Variants in ADGRL3 observed in about 807,000 individuals in gnomAD.
ADGRL3 encodes the protein calcium-independent alpha-latrotoxin receptor 3.
In ADGRL3, 62 loss-of-function variants were observed where a neutral mutation model predicts 153.5. The ratio of observed to expected loss-of-function variants is 0.40; its 90% confidence interval spans 0.33 to 0.50. The LOEUF (loss-of-function observed/expected upper bound fraction) is 0.50, where lower values mean the gene tolerates loss of function less well. ADGRL3 is among the 20% of genes least tolerant of loss of function. The pLI, the probability that ADGRL3 is intolerant of heterozygous loss-of-function variation, is 0.47. For missense variants in ADGRL3, 1,641 were observed against 1,859.4 expected (o/e 0.88, Z 2.16); for synonymous variants, 710 against 672.5 (o/e 1.06, Z -0.86).
rs1165228910 is a variant in ADGRL3, at chr4:61,432,630, CTTTCTTTCTTTCTTTCTTTCTTTCTTTT to C, written c.-174+49445_-174+49472del. The stretch of plus-strand genomic sequence containing the variant: ...TCTTTCTTTCTTTCTTTCTTTCTTT[CTTTCTTTCTTTCTTTCTTTCTTTCTTTT>C]TTTTTTTTTTTTGAGACAGAATTTC... On this transcript the variant is annotated intron_variant, in intron 2 of 26. Transcript: ENST00000683033. Among the ~76,000 whole-genome samples, 9 of 50,504 alleles carry C rather than the reference CTTTCTTTCTTTCTTTCTTTCTTTCTTTT, an allele frequency of 1.8e-4. 1 individual carries two copies. Among genetic ancestry groups the C allele is most frequent in the African/African-American group, 3.0e-4 (4 of 13,266 alleles). 33.1% of individuals were successfully genotyped at this position (50,504 alleles called of 152,430 possible). A position where few individuals can be genotyped will look rare whatever the true frequency, so the allele number is the denominator to read the frequency against.
intron 19 of ADGRL3, among the ~76,000 whole-genome samples, chr4:61,990,952 CTGTGTGTG>C (rs34294452): frequency 1.4e-3 from 199 of 142,366 alleles, no homozygotes; most frequent in South Asian, 3.9e-3. Flanking sequence ...ATGTTTGAAA[CTGTGTGTG>C]TGTGTGTGTG....
At chr4:61,260,321 A>G (rs2092402104) in intron 1 of ADGRL3, among the ~76,000 whole-genome samples, 1 of 152,158 alleles carries the variant, frequency 6.6e-6, no homozygotes, top group Non-Finnish European at 1.5e-5. Context: ...GACATGAAAA[A>G]CCAAGAATGT....
At chr4:61,309,796 T>C (rs1312107762) in intron 1 of ADGRL3, among the ~76,000 whole-genome samples, 1 of 152,074 alleles carries the variant, frequency 6.6e-6, no homozygotes, top group Non-Finnish European at 1.5e-5. Flanking sequence ...AAGCGAGCTG[T>C]TCTTGCAATA....
chr4:61,712,273 G>C (rs1156424271), intron 6 of ADGRL3, among the ~76,000 whole-genome samples: 1 of 152,022 alleles, frequency 6.6e-6, no homozygotes, highest in East Asian at 1.9e-4. Context: ...TATGCCTGTA[G>C]TTCCAGCTAC....
At chr4:61,800,480 C>T (rs543238184) in intron 8 of ADGRL3, among the ~76,000 whole-genome samples, 1 of 152,194 alleles carries the variant, frequency 6.6e-6, no homozygotes, top group East Asian at 1.9e-4. Context: ...TCTGTACCAT[C>T]TTCTTTTAGG....
chr4:61,637,595 C>T (rs1328033083), intron 5 of ADGRL3, among the ~76,000 whole-genome samples: 2 of 151,990 alleles, frequency 1.3e-5, no homozygotes, highest in African/African-American at 2.4e-5. Flanking sequence ...GAAACCTCGT[C>T]TATGCAAAAA....
At chr4:61,290,393 T>C (rs1226360521) in intron 1 of ADGRL3, among the ~76,000 whole-genome samples, 1 of 152,136 alleles carries the variant, frequency 6.6e-6, no homozygotes, top group East Asian at 1.9e-4. Context: ...CATTACAAAC[T>C]TAATGTAGTG....
chr4:62,014,284 C>T (rs2099201246), intron 21 of ADGRL3, among the ~76,000 whole-genome samples: 1 of 152,016 alleles, frequency 6.6e-6, no homozygotes, highest in Non-Finnish European at 1.5e-5. Flanking sequence ...AAAGTGCTGC[C>T]AGTGGGCAAC....
intron 1 of ADGRL3, among the ~76,000 whole-genome samples, chr4:61,249,598 C>T (rs1166588579): frequency 6.6e-6 from 1 of 152,128 alleles, no homozygotes; most frequent in East Asian, 1.9e-4. Flanking sequence ...TCCAGCTAAT[C>T]AGCAGCTTTC....
At position 61,694,155 on chromosome 4, in the gene ADGRL3, A is replaced by G. The variant is rs2095591099; in HGVS notation, c.583+17220A>G. 5.4e-5 allele frequency among the ~76,000 whole-genome samples: 6 copies of G among 111,442 alleles called. No individual in the cohort carries two copies. In the South Asian group the frequency reaches 1.7e-3, roughly 31 times the overall value. 73.1% of individuals were successfully genotyped at this position (111,442 alleles called of 152,430 possible). ...TTATATCATGCTATTTTTCTGTCCT[A>G]TACTATTTTAAAATTTTGTCATTAT... On this transcript the variant is annotated intron_variant, in intron 6 of 26. Coordinates refer to ENST00000683033, the MANE Select transcript of ADGRL3 (RefSeq NM_001387552.1).
intron 6 of ADGRL3, among the ~76,000 whole-genome samples, chr4:61,718,284 A>G (rs929595139): frequency 1.3e-5 from 2 of 152,176 alleles, no homozygotes; most frequent in African/African-American, 4.8e-5. Flanking sequence ...CTTAATACAA[A>G]TAAAGTTGTA....
chr4:61,964,231 C>G (rs951901392), intron 17 of ADGRL3, among the ~76,000 whole-genome samples: 1 of 152,112 alleles, frequency 6.6e-6, no homozygotes, highest in Non-Finnish European at 1.5e-5. Flanking sequence ...TTTTTTCTAA[C>G]AGTTTGTCAA....
At position 61,957,904 on chromosome 4, in the gene ADGRL3, C is replaced by T. The variant is rs1205261851; in HGVS notation, c.2805+9628C>T. On this transcript the variant is annotated intron_variant, in intron 17 of 26. Transcript: ENST00000683033. ...ATACATGCTGTCTGCCAATAAAACA[C>T]ACTCTGCCTCTTGCTTTCTATAAAA... Among the ~76,000 whole-genome samples, 5 of 152,080 alleles carry T rather than the reference C, an allele frequency of 3.3e-5. No homozygotes were observed. The East Asian group carries it at 7.7e-4, about 24-fold the overall frequency.
chr4:61,747,398 C>A (rs938456807), intron 8 of ADGRL3, among the ~76,000 whole-genome samples: 1 of 151,914 alleles, frequency 6.6e-6, no homozygotes, highest in Admixed American at 6.6e-5. Flanking sequence ...GGCAGAGACA[C>A]AACCAAAAAA....
intron 5 of ADGRL3, among the ~76,000 whole-genome samples, chr4:61,592,073 CAA>C (rs34116654): frequency 0.036 from 4,453 of 123,576 alleles, 208 homozygotes; most frequent in African/African-American, 0.12. Context: ...GAAACTGCTT[CAA>C]AAAAAAAAAA....
intron 22 of ADGRL3, 66 bp downstream of exon 22, chr4:62,028,947 A>G: frequency 7.2e-7 from 1 of 1,387,716 alleles, no homozygotes; most frequent in African/African-American, 1.4e-5. Context: ...CAGCTGTCAG[A>G]TCAGTACTGA....
At chr4:61,402,555 G>A (rs1212946403) in intron 2 of ADGRL3, among the ~76,000 whole-genome samples, 1 of 152,074 alleles carries the variant, frequency 6.6e-6, no homozygotes, top group Admixed American at 6.6e-5. Context: ...TAGGTAGGGT[G>A]ATGTTGCTAC....
chr4:61,782,624 C>G (rs2097227026), intron 8 of ADGRL3, among the ~76,000 whole-genome samples: 1 of 152,262 alleles, frequency 6.6e-6, no homozygotes, highest in South Asian at 2.1e-4. Flanking sequence ...ACCAAGGACA[C>G]TGCTAATTTC....
chr4:61,707,675 A>C (rs1392305759), intron 6 of ADGRL3, among the ~76,000 whole-genome samples: 1 of 152,178 alleles, frequency 6.6e-6, no homozygotes, highest in Non-Finnish European at 1.5e-5. Flanking sequence ...AGACCTTAGA[A>C]ATATTTGTAA....
Sources: gnomAD v4.1 joint callset for allele counts (sites outside exome capture counted in the v4.1 genomes callset) on GRCh38, gnomAD v4.1.1 for gene constraint, MANE v1.5 for transcripts, NCBI Gene and HGNC (gene_info 2026-07-23, HGNC 2026-07-21) for gene names.